CREB5: variants seen among roughly 807,000 people sequenced by gnomAD.
CREB5 encodes the protein cAMP responsive element binding protein 5, also known as cyclic AMP-responsive element-binding protein 5.
Under a neutral mutation model 57.1 loss-of-function variants are expected in CREB5, and 19 were observed. The observed-to-expected ratio is 0.33, with a 90% confidence interval of 0.23 to 0.49. The LOEUF (loss-of-function observed/expected upper bound fraction) is 0.49. Among genes scored for constraint, CREB5 ranks in the 20% least tolerant of loss-of-function variants. The pLI is 0.99. For missense variants in CREB5, 579 were observed against 671.6 expected, an observed-to-expected ratio of 0.86 and a Z score of 1.52; for synonymous variants, 238 against 238.3, an observed-to-expected ratio of 1.00 and a Z score of 0.01.
chr7:28,723,043 T>G (rs1300031890), intron 6 of CREB5, among the ~76,000 whole-genome samples: 1 of 152,236 alleles, frequency 6.6e-6, no homozygotes, highest in African/African-American at 2.4e-5. Context: ...CTCCACTCTT[T>G]GAACACCTCC....
intron 1 of CREB5, among the ~76,000 whole-genome samples, chr7:28,478,550 A>G (rs1237211325): frequency 6.6e-6 from 1 of 152,190 alleles, no homozygotes; most frequent in East Asian, 1.9e-4. Flanking sequence ...AGCAGAATTT[A>G]GAAGCTTGTG....
intron 1 of CREB5, among the ~76,000 whole-genome samples, chr7:28,324,421 A>G (rs527777595): frequency 6.6e-6 from 1 of 152,116 alleles, no homozygotes; most frequent in Non-Finnish European, 1.5e-5. Context: ...TCTCAAGTCC[A>G]GTGGTTTTAC....
intron 7 of CREB5, among the ~76,000 whole-genome samples, chr7:28,785,477 A>G (rs1266342953): frequency 6.6e-6 from 1 of 152,216 alleles, no homozygotes; most frequent in Non-Finnish European, 1.5e-5. Flanking sequence ...AGAACTTTTC[A>G]TCCACTGCCC....
Position 28,362,991 on chromosome 7 carries a change from AT to A in CREB5, c.-25+63551del, listed in dbSNP as rs1479003368. ...ATGTTATGGGGAAGGATTTTATAAT[AT>A]CTAACACTAGGGGGAGAAAGCATTT... is the stretch of plus-strand genomic sequence containing the variant. On this transcript the variant is annotated intron_variant, in intron 1 of 9. Transcript: ENST00000396299. 6.6e-5 allele frequency among the ~76,000 whole-genome samples: 10 copies of A among 152,310 alleles called. No individual in the cohort carries two copies. The East Asian group carries it at 1.9e-3, about 29-fold the overall frequency.
At chr7:28,299,461 A>G (rs1785063466) in intron 1 of CREB5, 1 of 152,220 alleles carries the variant, frequency 6.6e-6, no homozygotes, top group Non-Finnish European at 1.5e-5. Flanking sequence ...AGCCATGTGT[A>G]GCTATTTAAA....
At chr7:28,725,111 T>A (rs1803262073) in intron 7 of CREB5, among the ~76,000 whole-genome samples, 1 of 152,230 alleles carries the variant, frequency 6.6e-6, no homozygotes, top group African/African-American at 2.4e-5. Flanking sequence ...CAAAATACAC[T>A]GCAGCAAACT....
chr7:28,713,756 T>G (rs1464636862), intron 5 of CREB5, among the ~76,000 whole-genome samples: 1 of 152,176 alleles, frequency 6.6e-6, no homozygotes, highest in Non-Finnish European at 1.5e-5. Flanking sequence ...GGCTCATCTG[T>G]TCATTACAAG....
chr7:28,301,969 G>T lies in CREB5; in HGVS notation c.-25+2528G>T, dbSNP rs535006995. Among the ~76,000 whole-genome samples, 4 of 152,336 alleles carry T rather than the reference G, an allele frequency of 2.6e-5. No homozygotes were observed. In the East Asian group the frequency reaches 7.7e-4, roughly 29 times the overall value. The stretch of plus-strand genomic sequence containing the variant: ...GAGTGAAGTCAGAGCTTTGATATCT[G>T]GAGAGGGTGTTTTAAATGGAAGCTA... On this transcript the variant is annotated intron_variant, in intron 1 of 9. Transcript: ENST00000396299.
At chr7:28,345,828 C>T (rs1439430880) in intron 1 of CREB5, among the ~76,000 whole-genome samples, 1 of 152,072 alleles carries the variant, frequency 6.6e-6, no homozygotes, top group Non-Finnish European at 1.5e-5. Context: ...TGGTGTGACC[C>T]AAAGTGACAC....
chr7:28,795,746 T>G (rs1264130811), intron 7 of CREB5, among the ~76,000 whole-genome samples: 1 of 143,254 alleles, frequency 7.0e-6, no homozygotes, highest in Admixed American at 6.8e-5. Context: ...AAATTAACTG[T>G]TTTTCTTTCT....
intron 7 of CREB5, among the ~76,000 whole-genome samples, chr7:28,737,567 ATATATATATATATATAT>A (rs1562606634): frequency 0.08 from 8,806 of 110,664 alleles, 889 homozygotes; most frequent in African/African-American, 0.2. Flanking sequence ...ATATATATAT[ATATATATATATATATAT>A]ATATTTTTAA....
intron 5 of CREB5, among the ~76,000 whole-genome samples, chr7:28,660,797 G>A (rs778915234): frequency 3.3e-5 from 5 of 151,902 alleles, no homozygotes; most frequent in Non-Finnish European, 7.4e-5. Context: ...CTCATTCTGG[G>A]AAGTGCTGGA....
At chr7:28,490,070 G>C (rs965500952) in intron 2 of CREB5, among the ~76,000 whole-genome samples, 2 of 152,170 alleles carry the variant, frequency 1.3e-5, no homozygotes, top group Non-Finnish European at 2.9e-5. Context: ...GCTTTGCTTT[G>C]GTGGTGAAAA....
At position 28,804,519 on chromosome 7, in the gene CREB5, A is replaced by G. The variant is rs563251125; in HGVS notation, c.1023A>G (p.Ala341=). Residue 341 remains alanine, a synonymous_variant, in exon 8 of 11, where the codon GCA becomes GCG. Coordinates refer to ENST00000357727, the MANE Select transcript of CREB5 (RefSeq NM_182898.4). ...CGCCCCTGCACACCGGCAACCAAGC[A>G]CAGGTAGACCTTTTCCGTGATCTCT... ...PHPPLHTGNQ[A]QVSPATQQMQ... is the part of the protein sequence containing the mutation. 14 of 1,613,690 alleles carry G rather than the reference A, an allele frequency of 8.7e-6. No homozygotes were observed. The highest frequency in any genetic ancestry group is 1.6e-4 in the Middle Eastern group (1 of 6,062).
intron 5 of CREB5, among the ~76,000 whole-genome samples, chr7:28,652,046 A>G (rs986083526): frequency 6.6e-6 from 1 of 152,166 alleles, no homozygotes; most frequent in African/African-American, 2.4e-5. Flanking sequence ...TTATTATTAG[A>G]AGTCTAAACA....
chr7:28,478,013 G>C (rs1791154864), intron 1 of CREB5, among the ~76,000 whole-genome samples: 1 of 152,132 alleles, frequency 6.6e-6, no homozygotes, highest in South Asian at 2.1e-4. Flanking sequence ...CTATTTGAGA[G>C]GCTGAGGTGG....
At chr7:28,817,396 T>C (rs529198590) in intron 9 of CREB5, among the ~76,000 whole-genome samples, 3 of 152,302 alleles carry the variant, frequency 2.0e-5, no homozygotes, top group African/African-American at 7.2e-5. Flanking sequence ...GAGCAGGGAT[T>C]CATGACTGAA....
intron 5 of CREB5, among the ~76,000 whole-genome samples, chr7:28,667,533 C>G (rs1799872950): frequency 6.6e-6 from 1 of 151,070 alleles, no homozygotes; most frequent in Admixed American, 6.6e-5. Flanking sequence ...TAAATCTGCC[C>G]AAATATTTTC....
chr7:28,726,328 C>G (rs1803336724), intron 7 of CREB5, among the ~76,000 whole-genome samples: 1 of 152,130 alleles, frequency 6.6e-6, no homozygotes, highest in South Asian at 2.1e-4. Context: ...AAAATGGTAG[C>G]ATTGGCTGCT....
Sources: gnomAD v4.1 joint callset for allele counts (sites outside exome capture counted in the v4.1 genomes callset) on GRCh38, gnomAD v4.1.1 for gene constraint, MANE v1.5 for transcripts, NCBI Gene and HGNC (gene_info 2026-07-23, HGNC 2026-07-21) for gene names.